CIP2A: variants seen among roughly 807,000 people sequenced by gnomAD.
The protein encoded by CIP2A is protein CIP2A.
A neutral mutation model predicts 110.9 loss-of-function variants in CIP2A; 103 were observed. That is an observed-to-expected ratio of 0.93 (90% confidence interval 0.79 to 1.09). The LOEUF (loss-of-function observed/expected upper bound fraction) is 1.09. CIP2A is among the 50% of genes least tolerant of loss of function. The probability of loss-of-function intolerance (pLI) is 0.00; values close to 1 mark genes in which losing one functional copy is unlikely to be tolerated. For missense variants in CIP2A, 1,088 were observed against 1,038.4 expected (o/e 1.05, Z -0.66); for synonymous variants, 381 against 361.6 (o/e 1.05, Z -0.61).
At chr3:108,585,787 G>C (rs1330422935) in intron 1 of CIP2A, 1 of 452,592 alleles carries the variant, frequency 2.2e-6, no homozygotes, top group Non-Finnish European at 4.4e-6. Context: ...AGTGAAAAGT[G>C]AATCTTTTTT....
intron 18 of CIP2A, among the ~76,000 whole-genome samples, 196 bp from the exon 19 acceptor site, chr3:108,553,926 G>A (rs113246266): frequency 0.025 from 2,074 of 84,530 alleles, 63 homozygotes; most frequent in African/African-American, 0.074. Flanking sequence ...AAAAGGTCTC[G>A]TTCTGTCACC....
chr3:108,559,186 GTAATATT>G (rs1937914229), intron 16 of CIP2A, among the ~76,000 whole-genome samples: 1 of 152,100 alleles, frequency 6.6e-6, no homozygotes, highest in African/African-American at 2.4e-5. Context: ...GCAGAAAAGA[GTAATATT>G]TAGAAGGTAG....
intron 8 of CIP2A, chr3:108,574,839 C>G (rs1307281301): frequency 6.5e-6 from 1 of 153,608 alleles, no homozygotes; most frequent in Non-Finnish European, 1.5e-5. Flanking sequence ...TGTCCATCCA[C>G]ACAAATCTGC....
chr3:108,568,659 G>A (rs1468564335), intron 9 of CIP2A, among the ~76,000 whole-genome samples: 4 of 151,910 alleles, frequency 2.6e-5, no homozygotes, highest in African/African-American at 7.2e-5. Context: ...ATAGACATTG[G>A]TCTTAATAGT....
intron 1 of CIP2A, 136 bp downstream of exon 1, chr3:108,589,138 C>T (rs1939213513): frequency 1.6e-6 from 1 of 643,840 alleles, no homozygotes; most frequent in East Asian, 2.9e-5. Flanking sequence ...CTAGCCTTTA[C>T]CAGTACGAAA....
chr3:108,579,527 A>G (rs1938790671), intron 6 of CIP2A, 39 bp downstream of exon 6: 1 of 1,570,590 alleles, frequency 6.4e-7, no homozygotes, highest in Admixed American at 1.9e-5. Context: ...AAAATATCAG[A>G]CTATAAACTT....
At chr3:108,579,038 T>C (rs562972752) in intron 7 of CIP2A, among the ~76,000 whole-genome samples, 2 of 152,144 alleles carry the variant, frequency 1.3e-5, no homozygotes, top group Non-Finnish European at 2.9e-5. Flanking sequence ...TTTTGGAGAA[T>C]GGCACAACCC....
intron 18 of CIP2A, among the ~76,000 whole-genome samples, 164 bp from the exon 19 acceptor site, chr3:108,553,894 TATAAAAAAAAAAAAAAAA>T (rs1385974612): frequency 6.0e-5 from 3 of 49,706 alleles, no homozygotes; most frequent in Non-Finnish European, 8.0e-5. Context: ...CTACTAAAAA[TATAAAAAAAAAAAAAAAA>T]AAAAAAAGGT....
chr3:108,574,098 C>A (rs970999495), intron 8 of CIP2A, among the ~76,000 whole-genome samples: 1 of 152,164 alleles, frequency 6.6e-6, no homozygotes, highest in South Asian at 2.1e-4. Context: ...AGGCAACTCA[C>A]AGAATGGAAG....
chr3:108,567,928 G>A (rs1938240745), intron 10 of CIP2A, among the ~76,000 whole-genome samples: 1 of 151,984 alleles, frequency 6.6e-6, no homozygotes, highest in African/African-American at 2.4e-5. Flanking sequence ...TTTAAAAAAT[G>A]TACTTTAACT....
chr3:108,585,669 G>A (rs988092228), intron 1 of CIP2A: 2 of 455,980 alleles, frequency 4.4e-6, no homozygotes, highest in Non-Finnish European at 8.8e-6. Context: ...TACTTACTTT[G>A]AGGGAGGAGA....
intron 16 of CIP2A, among the ~76,000 whole-genome samples, 178 bp from the exon 17 acceptor site, chr3:108,557,592 T>A (rs996279067): frequency 6.6e-6 from 1 of 151,580 alleles, no homozygotes; most frequent in Non-Finnish European, 1.5e-5. Flanking sequence ...TACTGTTATA[T>A]TTTTTTAACT....
rs1939241451 is a variant in CIP2A, at chr3:108,589,433, G to A, written c.-58C>T. ...ACCGCCCAGCGTGCGCCGGCCTTTA[G>A]CTTTCGCCGCGCTTTTTTTGATTTT... is the stretch of plus-strand genomic sequence containing the variant. On this transcript the variant is annotated 5_prime_UTR_variant, in exon 1 of 21. Coordinates refer to ENST00000295746, the MANE Select transcript of CIP2A (RefSeq NM_020890.3). 11 of 1,261,340 alleles carry A rather than the reference G, an allele frequency of 8.7e-6. 2 individuals carry two copies. The Middle Eastern group carries it at 6.4e-4, about 74-fold the overall frequency. The allele number at this position is 1,261,340 out of a possible 1,614,324, so 78.1% of individuals were successfully genotyped here. A position where few individuals can be genotyped will look rare whatever the true frequency, so the allele number is the denominator to read the frequency against.
At chr3:108,566,107 TA>T (rs1210746850) in intron 11 of CIP2A, among the ~76,000 whole-genome samples, 3 of 151,714 alleles carry the variant, frequency 2.0e-5, no homozygotes, top group Admixed American at 6.6e-5. Context: ...TGTCTGTTAT[TA>T]AAAAGCCTTT....
chr3:108,573,260 T>C (rs2107346339), intron 8 of CIP2A, among the ~76,000 whole-genome samples: 1 of 152,052 alleles, frequency 6.6e-6, no homozygotes, highest in South Asian at 2.1e-4. Flanking sequence ...TTTGTTGTAG[T>C]ATCCTTGTCA....
intron 7 of CIP2A, among the ~76,000 whole-genome samples, chr3:108,577,288 G>A (rs1439054430): frequency 6.6e-6 from 1 of 152,138 alleles, no homozygotes; most frequent in Non-Finnish European, 1.5e-5. Context: ...ATTTTAAAAG[G>A]GATATCTGGT....
At position 108,579,234 on chromosome 3, in the gene CIP2A, T is replaced by C. The variant is rs748276086; in HGVS notation, c.818+47A>G. ...AATTCTGTTTATAACCAACACATCT[T>C]GGTTTAAAAATAAAAAAGTTCTAAA... On this transcript the variant is annotated intron_variant, in intron 7 of 20. Coordinates refer to ENST00000295746, the MANE Select transcript of CIP2A (RefSeq NM_020890.3). The C allele has an allele frequency of 6.4e-6, 9 of 1,416,942 alleles. No homozygotes were observed. The South Asian group carries it at 9.9e-5, about 16-fold the overall frequency. The allele number at this position is 1,416,942 out of a possible 1,614,324, so 87.8% of individuals were successfully genotyped here. A position where few individuals can be genotyped will look rare whatever the true frequency, so the allele number is the denominator to read the frequency against.
intron 12 of CIP2A, among the ~76,000 whole-genome samples, chr3:108,564,354 T>G (rs1275379911): frequency 6.6e-6 from 1 of 152,026 alleles, no homozygotes; most frequent in Non-Finnish European, 1.5e-5. Context: ...CTACACTGTC[T>G]ATACAGTCAC....
At position 108,589,394 on chromosome 3, in the gene CIP2A, G is replaced by T. The variant is rs759473162; in HGVS notation, c.-19C>A. 1.9e-6 allele frequency: 3 copies of T among 1,583,046 alleles called. No individual in the cohort carries two copies. The highest frequency in any genetic ancestry group is 2.6e-6 in the Non-Finnish European group (3 of 1,155,516). On this transcript the variant is annotated 5_prime_UTR_variant, in exon 1 of 21. Coordinates refer to ENST00000295746, the MANE Select transcript of CIP2A (RefSeq NM_020890.3). ...AGTCCATTGCACCGGCCGCGGCCCG[G>T]CTTAGGGACCACCACCGCCCAGCGT...
Sources: allele counts gnomAD v4.1 joint callset (sites outside exome capture counted in the v4.1 genomes callset), GRCh38; gene constraint gnomAD v4.1.1; transcripts MANE v1.5; gene names NCBI Gene and HGNC (gene_info 2026-07-23, HGNC 2026-07-21).